The following BCOR variants were observed in gnomAD, a reference collection of about 807,000 sequenced individuals.
BCOR encodes the protein BCL6 corepressor, also known as BCL-6 corepressor.
Under a neutral mutation model 86.7 loss-of-function variants are expected in BCOR, and 10 were observed. The observed-to-expected ratio is 0.12, with a 90% CI of 0.07 to 0.20. The LOEUF (loss-of-function observed/expected upper bound fraction) is 0.20. Among genes scored for constraint, BCOR ranks in the 10% least tolerant of loss-of-function variants. BCOR has a pLI of 1.00. For synonymous variants in BCOR, 611 were observed against 609.0 expected (o/e 1.00, Z -0.05); for missense variants, 1,259 against 1,452.1 (o/e 0.87, Z 2.16).
chrX:40,098,090 C>A (rs1193220671), upstream of BCOR, among the ~76,000 whole-genome samples: 1 of 95,901 alleles, frequency 1.0e-5, no homozygotes, highest in African/African-American at 3.9e-5. Flanking sequence ...TCCCCTCCCC[C>A]CGCAGGCGCA....
intron 1 of BCOR, among the ~76,000 whole-genome samples, chrX:40,174,727 C>A (rs1938704939): frequency 8.9e-6 from 1 of 112,736 alleles, no homozygotes; most frequent in African/African-American, 3.2e-5. Context: ...AAAGGGGACC[C>A]TGTCTTCTTA....
chrX:40,103,986 C>T (rs1937121827), intron 1 of BCOR, among the ~76,000 whole-genome samples: 1 of 111,678 alleles, frequency 9.0e-6, no homozygotes, highest in South Asian at 3.8e-4. Flanking sequence ...ATTTAAAACC[C>T]ACCTCCCCTC....
At chrX:40,056,246 C>G (rs1934587117) in intron 11 of BCOR, among the ~76,000 whole-genome samples, 1 of 97,214 alleles carries the variant, frequency 1.0e-5, no homozygotes, top group Non-Finnish European at 2.0e-5. Context: ...GTCCCATCAT[C>G]ATGGAAGCCA....
chrX:40,065,534 C>T lies in BCOR; in HGVS notation c.3239-935G>A, dbSNP rs752755391. ...TTGCAAAACCGCTCGTTCCAGGAACCCTGTGCTCGGCCTATCACGGGCCTT... is the reference window on the plus strand; with the variant it reads ...TTGCAAAACCGCTCGTTCCAGGAACTCTGTGCTCGGCCTATCACGGGCCTT... On this transcript the variant is annotated intron_variant, in intron 6 of 14. Transcript: ENST00000378444. Among the ~76,000 whole-genome samples the T allele has an allele frequency of 1.6e-4, 18 of 112,481 alleles. No individual in the cohort carries two copies. The South Asian group carries it at 6.6e-3, about 41-fold the overall frequency.
At chrX:40,062,596 C>T (rs1934947330) in intron 9 of BCOR, 150 bp downstream of exon 9, 1 of 750,344 alleles carries the variant, frequency 1.3e-6, no homozygotes, top group African/African-American at 2.1e-5. Context: ...CGCTGCCACC[C>T]AGAAGACATG....
chrX:40,080,979 ACACACACGCG>A (rs1466626830), intron 1 of BCOR, among the ~76,000 whole-genome samples: 18 of 28,834 alleles, frequency 6.2e-4, no homozygotes, highest in African/African-American at 1.9e-3. Flanking sequence ...ACACGCGCAC[ACACACACGCG>A]CACACACACA....
rs1320163761 is a variant in BCOR, at chrX:40,127,897, TAAATAAATAAA to T, written c.-41+49099_-41+49109del. Among the ~76,000 whole-genome samples, 12 of 104,353 alleles carry T rather than the reference TAAATAAATAAA, an allele frequency of 1.1e-4. No homozygotes were observed. The East Asian group carries it at 1.8e-3, about 15-fold the overall frequency. 90.6% of individuals were successfully genotyped at this position (104,353 alleles called of 115,157 possible). A position where few individuals can be genotyped will look rare whatever the true frequency, so the allele number is the denominator to read the frequency against. ...ATAAATAAATAAATAAATAAATAAA[TAAATAAATAAA>T]TTTAAAAAAAAAAGGCAGCAAGAAT... On this transcript the variant is annotated intron_variant, in intron 1 of 14. Coordinates refer to the BCOR transcript ENST00000342274.
rs1936958495 is a variant in BCOR, at chrX:40,097,659, C to T, written c.-485G>A. 9.1e-6 allele frequency among the ~76,000 whole-genome samples: 1 copy of T among 110,446 alleles called. No individual in the cohort carries two copies. Among genetic ancestry groups the T allele is most frequent in the Non-Finnish European group, 1.9e-5 (1 of 52,188 alleles). ...CAGCTCCCGCGCTGCCGCCGCCGCC[C>T]GCGCTCGGGCAGGAGCCCCAGCGCC... On this transcript the variant is annotated 5_prime_UTR_variant, in exon 1 of 15. Coordinates refer to ENST00000378444, the MANE Select transcript of BCOR (RefSeq NM_001123385.2).
intron 1 of BCOR, among the ~76,000 whole-genome samples, chrX:40,176,541 G>A (rs1055547328): frequency 2.7e-5 from 3 of 112,757 alleles, no homozygotes; most frequent in Admixed American, 1.8e-4. Context: ...CGCAGCCTCC[G>A]CGTCGGTTCC....
chrX:40,119,612 C>G (rs1188527007), intron 1 of BCOR, among the ~76,000 whole-genome samples: 2 of 110,177 alleles, frequency 1.8e-5, no homozygotes, highest in Non-Finnish European at 3.8e-5. Flanking sequence ...GCACTCCAGC[C>G]TGGGTGACAG....
chrX:40,094,805 G>T (rs1359958964), intron 1 of BCOR, among the ~76,000 whole-genome samples: 1 of 113,271 alleles, frequency 8.8e-6, no homozygotes, highest in African/African-American at 3.2e-5. Flanking sequence ...ACTTCCCAGC[G>T]GCGCTCCCCG....
At chrX:40,173,876 GGCGTAT>G (rs764578898) in intron 1 of BCOR, among the ~76,000 whole-genome samples, 215 of 113,213 alleles carry the variant, frequency 1.9e-3, no homozygotes, top group African/African-American at 6.7e-3. Flanking sequence ...GTGCAGGGCT[GGCGTAT>G]GGCAGGCCTT....
chrX:40,089,889 G>T (rs1220736621), intron 1 of BCOR, among the ~76,000 whole-genome samples: 1 of 112,298 alleles, frequency 8.9e-6, no homozygotes, highest in African/African-American at 3.2e-5. Flanking sequence ...GAATTAAGAT[G>T]GAAGACGCCA....
chrX:40,054,264 G>C lies in BCOR; in HGVS notation c.4811C>G (p.Ser1604Cys). The change falls in exon 13 of 15, where the codon TCT becomes TGT. Residue 1604 changes from serine (S) to cysteine (C), a missense_variant. By Grantham distance (112) the Ser-to-Cys change is moderately radical (BLOSUM62 -1). Transcript: ENST00000378444. ...CAAACAATGCAGCTTACCACAAACAGAGCTGCCATAGAAGTCCCAAGTGCC... is the reference window on the plus strand; with the variant it reads ...CAAACAATGCAGCTTACCACAAACACAGCTGCCATAGAAGTCCCAAGTGCC... ...ASGTWDFYGS[S>C]VCEPDDESGY... 2 of 1,207,150 alleles carry C rather than the reference G, an allele frequency of 1.7e-6. No homozygotes were observed. Among genetic ancestry groups the C allele is most frequent in the East Asian group, 3.0e-5 (1 of 33,815 alleles).
At chrX:40,135,460 G>A (rs186637179) in intron 1 of BCOR, among the ~76,000 whole-genome samples, 2 of 108,145 alleles carry the variant, frequency 1.8e-5, no homozygotes, top group Admixed American at 1.0e-4. Context: ...CACAATACTC[G>A]GCTCACTGCA....
intron 1 of BCOR, among the ~76,000 whole-genome samples, chrX:40,096,708 C>CGGCGGT (rs1936894591): frequency 8.9e-6 from 1 of 112,059 alleles, no homozygotes; most frequent in Middle Eastern, 4.2e-3. Context: ...CGAGACGAGG[C>CGGCGGT]GGCGGTGGCG....
At position 40,072,976 on chromosome X, in the gene BCOR, G is replaced by C. The variant is rs1357316972; in HGVS notation, c.2370C>G (p.Asn790Lys). The change falls in exon 4 of 15, where the codon AAC becomes AAG. Residue 790 changes from asparagine (N) to lysine (K), a missense_variant. Asn to Lys is a moderately conservative substitution (Grantham distance 94, BLOSUM62 0). This residue lies in a region of BCOR where 534 missense variants were observed against 594.8 expected (regional missense o/e 0.90). Coordinates refer to ENST00000378444, the MANE Select transcript of BCOR (RefSeq NM_001123385.2). ...TGACAACAGTCTTCCCTTGATTCCAGTTGGGGTTCGGCTTTAGGTTCTTGT... is the reference window on the plus strand; with the variant it reads ...TGACAACAGTCTTCCCTTGATTCCACTTGGGGTTCGGCTTTAGGTTCTTGT... ...PTDKNLKPNP[N>K]WNQGKTVVKS... 1 of 1,212,031 alleles carries C rather than the reference G, an allele frequency of 8.3e-7. No individual in the cohort carries two copies. Among genetic ancestry groups the C allele is most frequent in the Non-Finnish European group, 1.1e-6 (1 of 895,549 alleles).
chrX:40,055,640 A>T, intron 11 of BCOR, 127 bp from the exon 12 acceptor site: 1 of 741,363 alleles, frequency 1.3e-6, no homozygotes. Flanking sequence ...CCTCCTAAGC[A>T]CAGTATTTCA....
chrX:40,061,914 C>T lies in BCOR; in HGVS notation c.4428+225G>A, dbSNP rs773921462. Among the ~76,000 whole-genome samples the T allele has an allele frequency of 1.5e-3, 169 of 111,416 alleles. 4 individuals are homozygous for T. Among genetic ancestry groups the T allele is most frequent in the Non-Finnish European group, 1.1e-3 (57 of 52,993 alleles). ...CCGTAGCAGCCTACCTGCCTGAACACGAACTGAACATCAGAGAGGCCTTTC... is the reference window on the plus strand; with the variant it reads ...CCGTAGCAGCCTACCTGCCTGAACATGAACTGAACATCAGAGAGGCCTTTC... On this transcript the variant is annotated intron_variant, in intron 10 of 14. Transcript: ENST00000378444.
Sources: gnomAD v4.1 joint callset for allele counts (sites outside exome capture counted in the v4.1 genomes callset) on GRCh38, gnomAD v4.1.1 for gene constraint, gnomAD v4.1.1 regional missense constraint, MANE v1.5 for transcripts, NCBI Gene and HGNC (gene_info 2026-07-23, HGNC 2026-07-21) for gene names.